BRD7: variants seen among roughly 807,000 people sequenced by gnomAD.
BRD7 encodes the protein bromodomain-containing protein 7.
A neutral mutation model predicts 82.1 loss-of-function variants in BRD7; 15 were observed. The ratio of observed to expected loss-of-function variants is 0.18; its 90% CI spans 0.12 to 0.28. BRD7 has a LOEUF of 0.28. Ranked by LOEUF, BRD7 falls within the 10% of genes least tolerant of loss-of-function variation. BRD7 has a pLI of 1.00. For synonymous variants in BRD7, 232 were observed against 266.9 expected, an observed-to-expected ratio of 0.87 and a Z score of 1.27; for missense variants, 638 against 779.9, an observed-to-expected ratio of 0.82 and a Z score of 2.17.
intron 12 of BRD7, 145 bp downstream of exon 12, chr16:50,323,442 C>T (rs1293804552): frequency 1.3e-5 from 8 of 636,368 alleles, no homozygotes; most frequent in African/African-American, 3.7e-5. Context: ...ATTGTCCACC[C>T]GTGGCCTCCA....
intron 6 of BRD7, among the ~76,000 whole-genome samples, chr16:50,337,256 CTT>C (rs71138063): frequency 0.016 from 1,475 of 93,282 alleles, 7 homozygotes; most frequent in South Asian, 0.06. Flanking sequence ...GTTCATTCTT[CTT>C]TTTTTTTTTT....
At chr16:50,364,399 T>C (rs2039056695) in intron 2 of BRD7, among the ~76,000 whole-genome samples, 1 of 151,934 alleles carries the variant, frequency 6.6e-6, no homozygotes, top group Admixed American at 6.6e-5. Context: ...GCAAAAAGAA[T>C]CTCTCCCTGC....
chr16:50,323,660 T>C lies in BRD7; in HGVS notation c.1370A>G (p.Tyr457Cys), dbSNP rs569809930. The C allele has an allele frequency of 6.2e-6, 10 of 1,613,888 alleles. No individual in the cohort carries two copies. The African/African-American group carries it at 1.2e-4, about 19-fold the overall frequency. ...ATCCAGTAAACTATCTGCCATGACA[T>C]ACGGATAATCTTGGCACGTGGCCAA... is the stretch of plus-strand genomic sequence containing the variant. ...EFLATCQDYP[Y>C]VMADSLLDVL... The change falls in exon 12 of 17, where the codon TAT becomes TGT. Residue 457 changes from tyrosine (Y) to cysteine (C), a missense_variant. By Grantham distance (194) the Tyr-to-Cys change is radical (BLOSUM62 -2). Around this residue, in one of 3 missense-constraint regions of BRD7, gnomAD observed 402 missense variants for 500.8 expected, o/e 0.80. Coordinates refer to ENST00000394688, the MANE Select transcript of BRD7 (RefSeq NM_013263.5).
intron 5 of BRD7, among the ~76,000 whole-genome samples, chr16:50,347,497 A>T (rs1304837763): frequency 6.6e-6 from 1 of 152,206 alleles, no homozygotes; most frequent in Admixed American, 6.5e-5. Flanking sequence ...ACATGATTGT[A>T]TATTTAGAAA....
intron 5 of BRD7, among the ~76,000 whole-genome samples, chr16:50,341,053 C>T (rs1453568590): frequency 1.3e-5 from 2 of 151,950 alleles, no homozygotes; most frequent in African/African-American, 2.4e-5. Flanking sequence ...AGTGAAGGGT[C>T]GCAATAAATT....
At chr16:50,319,304 T>G in intron 16 of BRD7, 38 bp from the exon 17 acceptor site, 1 of 1,594,938 alleles carries the variant, frequency 6.3e-7, no homozygotes, top group Admixed American at 1.8e-5. Flanking sequence ...AACATTGTTT[T>G]TACCTTTTAA....
chr16:50,324,000 T>A (rs540679372), intron 11 of BRD7, among the ~76,000 whole-genome samples: 1 of 152,154 alleles, frequency 6.6e-6, no homozygotes, highest in African/African-American at 2.4e-5. Context: ...CACCTTCACC[T>A]CAGGACTTTC....
intron 8 of BRD7, among the ~76,000 whole-genome samples, chr16:50,329,131 A>C (rs1257914513): frequency 2.0e-5 from 3 of 152,140 alleles, no homozygotes; most frequent in African/African-American, 7.2e-5. Context: ...GCAAACCACA[A>C]AGGCTTATTT....
intron 6 of BRD7, among the ~76,000 whole-genome samples, chr16:50,337,076 G>A (rs2037832551): frequency 6.6e-6 from 1 of 152,074 alleles, no homozygotes; most frequent in Admixed American, 6.5e-5. Context: ...AAGGTTACCT[G>A]GGCTAAAGTC....
chr16:50,323,941 G>A (rs2037226946), intron 11 of BRD7, among the ~76,000 whole-genome samples: 2 of 152,150 alleles, frequency 1.3e-5, no homozygotes, highest in Non-Finnish European at 2.9e-5. Context: ...TGCAGGCTCA[G>A]TCCCTGGATC....
At chr16:50,368,639 C>T in intron 1 of BRD7, 87 bp downstream of exon 1, 1 of 1,438,466 alleles carries the variant, frequency 7.0e-7, no homozygotes, top group Non-Finnish European at 9.4e-7. Context: ...AGGAAGGGCC[C>T]CGGGCCGCCC....
At chr16:50,326,812 T>C (rs2037359826) in intron 9 of BRD7, among the ~76,000 whole-genome samples, 1 of 152,148 alleles carries the variant, frequency 6.6e-6, no homozygotes, top group Non-Finnish European at 1.5e-5. Flanking sequence ...TAAATGAGTA[T>C]CTATGAAAGG....
rs745658968 is a variant in BRD7, at chr16:50,320,398, G to A, written c.1613-7C>T. ...TTCTGGAATATTTCAGCTTCTGTGT[G>A]GTAAGAAAACAGACACACTTCTGTT... On this transcript the variant is annotated splice_region_variant and splice_polypyrimidine_tract_variant and intron_variant, in intron 14 of 16. Coordinates refer to ENST00000394688, the MANE Select transcript of BRD7 (RefSeq NM_013263.5). 3.7e-6 allele frequency: 6 copies of A among 1,612,006 alleles called. No individual in the cohort carries two copies.
intron 11 of BRD7, among the ~76,000 whole-genome samples, chr16:50,325,014 G>C (rs7204026): frequency 0.28 from 41,905 of 152,086 alleles, 6,603 homozygotes; most frequent in African/African-American, 0.43. Flanking sequence ...CCCTCTTTGT[G>C]AGAAAAGCAG....
intron 2 of BRD7, among the ~76,000 whole-genome samples, chr16:50,363,935 T>C (rs1225478733): frequency 6.6e-6 from 1 of 151,992 alleles, no homozygotes; most frequent in Non-Finnish European, 1.5e-5. Flanking sequence ...TGGTGATACA[T>C]GCCTGTAGTC....
At chr16:50,343,404 C>T (rs559385404) in intron 5 of BRD7, among the ~76,000 whole-genome samples, 39 of 152,232 alleles carry the variant, frequency 2.6e-4, no homozygotes, top group Admixed American at 5.9e-4. Context: ...ATGCAGAAGA[C>T]TGGTGATTTC....
intron 6 of BRD7, among the ~76,000 whole-genome samples, chr16:50,338,215 G>A (rs564229659): frequency 2.0e-5 from 3 of 152,278 alleles, no homozygotes; most frequent in South Asian, 4.1e-4. Context: ...GAGTCTTCCT[G>A]CAAAGAATGG....
At chr16:50,348,485 T>C (rs1451919114) in intron 5 of BRD7, among the ~76,000 whole-genome samples, 1 of 152,098 alleles carries the variant, frequency 6.6e-6, no homozygotes, top group Non-Finnish European at 1.5e-5. Flanking sequence ...ACCTACAGAA[T>C]GGGAGAAAAT....
intron 6 of BRD7, among the ~76,000 whole-genome samples, chr16:50,335,501 G>A (rs1185973147): frequency 1.3e-5 from 2 of 152,194 alleles, no homozygotes; most frequent in African/African-American, 4.8e-5. Context: ...TCGCTGCAAT[G>A]ATGTGCTGTG....
Sources: gnomAD v4.1 joint callset for allele counts (sites outside exome capture counted in the v4.1 genomes callset) on GRCh38, gnomAD v4.1.1 for gene constraint, gnomAD v4.1.1 regional missense constraint, MANE v1.5 for transcripts, NCBI Gene and HGNC (gene_info 2026-07-23, HGNC 2026-07-21) for gene names.